The following UNC13C variants were observed in gnomAD, a reference collection of about 807,000 sequenced individuals.
UNC13C encodes the protein protein unc-13 homolog C.
In UNC13C, 174 loss-of-function variants were observed where a neutral mutation model predicts 245.4. That is an observed-to-expected ratio of 0.71 (90% CI 0.63 to 0.80). The LOEUF is 0.80. Ranked by LOEUF, UNC13C falls within the 30% of genes least tolerant of loss-of-function variation. UNC13C has a pLI of 0.00. For missense variants in UNC13C, 2,829 were observed against 2,602.9 expected, an observed-to-expected ratio of 1.09 and a Z score of -1.89; for synonymous variants, 992 against 895.1, an observed-to-expected ratio of 1.11 and a Z score of -1.93.
chr15:54,326,799 T>C (rs1408750790), intron 14 of UNC13C, among the ~76,000 whole-genome samples: 2 of 152,044 alleles, frequency 1.3e-5, no homozygotes, highest in African/African-American at 2.4e-5. Flanking sequence ...TGAAAATTGA[T>C]TGTAGAACAG....
At chr15:54,436,155 C>T (rs2040981340) in intron 19 of UNC13C, among the ~76,000 whole-genome samples, 1 of 151,994 alleles carries the variant, frequency 6.6e-6, no homozygotes, top group East Asian at 1.9e-4. Context: ...ATTAGTTCAA[C>T]TATTATGGAA....
chr15:54,083,120 ACT>A (rs1416801830), intron 2 of UNC13C, among the ~76,000 whole-genome samples: 2 of 151,990 alleles, frequency 1.3e-5, no homozygotes, highest in Admixed American at 6.5e-5. Context: ...ATGGGGAGAG[ACT>A]GTGTTGGGGT....
intron 2 of UNC13C, among the ~76,000 whole-genome samples, chr15:54,083,809 G>T (rs1289295304): frequency 6.6e-6 from 1 of 152,144 alleles, no homozygotes; most frequent in East Asian, 1.9e-4. Context: ...TGTTTGCTGG[G>T]GATCTGCTGG....
intron 10 of UNC13C, among the ~76,000 whole-genome samples, chr15:54,267,295 CA>C (rs1201947374): frequency 6.9e-6 from 1 of 145,340 alleles, no homozygotes; most frequent in African/African-American, 2.8e-5. Context: ...CAAAACAAAA[CA>C]AAAAAACCCT....
intron 1 of UNC13C, among the ~76,000 whole-genome samples, chr15:53,998,971 A>C (rs1894758900): frequency 1.3e-5 from 2 of 151,928 alleles, no homozygotes; most frequent in Admixed American, 1.3e-4. Context: ...GTGATCTATT[A>C]ATCTTTTTAC....
At chr15:54,315,477 C>G (rs1472077827) in intron 13 of UNC13C, among the ~76,000 whole-genome samples, 3 of 151,426 alleles carry the variant, frequency 2.0e-5, no homozygotes, top group African/African-American at 4.8e-5. Flanking sequence ...TTTATTTAGT[C>G]TCAATTATAG....
intron 30 of UNC13C, among the ~76,000 whole-genome samples, chr15:54,603,839 G>T (rs1424766337): frequency 6.6e-6 from 1 of 152,124 alleles, no homozygotes; most frequent in Admixed American, 6.6e-5. Flanking sequence ...CTCCAGTCTG[G>T]GAGACAGAGG....
chr15:53,924,520 G>A, the UNC13C span, among the ~76,000 whole-genome samples: 1 of 152,228 alleles, frequency 6.6e-6, no homozygotes, highest in African/African-American at 2.4e-5. Flanking sequence ...AGCAAATTAA[G>A]GAAATAGTGA....
intron 17 of UNC13C, among the ~76,000 whole-genome samples, chr15:54,384,411 G>A (rs2039792572): frequency 6.6e-6 from 1 of 152,058 alleles, no homozygotes; most frequent in African/African-American, 2.4e-5. Flanking sequence ...ACTGGGGAAA[G>A]CACACTCTCT....
chr15:54,472,385 C>T (rs1278658662), intron 19 of UNC13C, among the ~76,000 whole-genome samples: 2 of 151,700 alleles, frequency 1.3e-5, no homozygotes, highest in Non-Finnish European at 2.9e-5. Flanking sequence ...CATTGACTTG[C>T]CCATTGTTAT....
At chr15:54,419,003 A>T (rs937303181) in intron 19 of UNC13C, among the ~76,000 whole-genome samples, 13 of 152,130 alleles carry the variant, frequency 8.5e-5, no homozygotes, top group Non-Finnish European at 1.6e-4. Context: ...CTTGTTTTGT[A>T]TATCTGGAGT....
intron 8 of UNC13C, among the ~76,000 whole-genome samples, chr15:54,250,749 C>CTTTTTTT (rs1296024773): frequency 1.4e-3 from 128 of 88,872 alleles, no homozygotes; most frequent in Middle Eastern, 0.011. Flanking sequence ...TTCTTTCTTT[C>CTTTTTTT]TTTTTTTTTT....
At chr15:54,329,353 T>C (rs2140991060) in intron 14 of UNC13C, among the ~76,000 whole-genome samples, 1 of 152,124 alleles carries the variant, frequency 6.6e-6, no homozygotes, top group East Asian at 1.9e-4. Flanking sequence ...AGTTGCCCTA[T>C]TGTGCTACCA....
chr15:54,037,395 C>A (rs1048989598), intron 2 of UNC13C, among the ~76,000 whole-genome samples: 2 of 151,744 alleles, frequency 1.3e-5, no homozygotes, highest in African/African-American at 4.8e-5. Flanking sequence ...TGTAAAATTG[C>A]GGTAATAAGA....
At chr15:54,369,380 A>AT (rs2039438901) in intron 17 of UNC13C, among the ~76,000 whole-genome samples, 1 of 152,168 alleles carries the variant, frequency 6.6e-6, no homozygotes, top group Admixed American at 6.5e-5. Context: ...GCAATCCAGC[A>AT]TAACAGCCAC....
At chr15:54,006,464 T>G (rs1895141205) in intron 1 of UNC13C, among the ~76,000 whole-genome samples, 1 of 152,178 alleles carries the variant, frequency 6.6e-6, no homozygotes, top group Non-Finnish European at 1.5e-5. Context: ...TAATATTTAC[T>G]GGTTTATTGC....
intron 8 of UNC13C, among the ~76,000 whole-genome samples, chr15:54,261,084 A>G (rs898474305): frequency 2.6e-5 from 4 of 152,196 alleles, no homozygotes; most frequent in African/African-American, 9.6e-5. Context: ...TAAAAGTATC[A>G]ATGATGCATT....
chr15:54,003,826 C>T (rs1179819233), intron 1 of UNC13C, among the ~76,000 whole-genome samples: 1 of 152,154 alleles, frequency 6.6e-6, no homozygotes, highest in Non-Finnish European at 1.5e-5. Flanking sequence ...TCCTGGCTAA[C>T]ATGGTGAAAC....
the UNC13C span, among the ~76,000 whole-genome samples, chr15:53,849,934 T>G: frequency 1.3e-5 from 2 of 152,166 alleles, no homozygotes; most frequent in African/African-American, 4.8e-5. Context: ...AAACAATGAA[T>G]AAAGCATATA....
Sources: allele counts gnomAD v4.1 joint callset (sites outside exome capture counted in the v4.1 genomes callset), GRCh38; gene constraint gnomAD v4.1.1; transcripts MANE v1.5; gene names NCBI Gene and HGNC (gene_info 2026-07-23, HGNC 2026-07-21).